The following TRIM31 variants were observed in gnomAD, a reference collection of about 807,000 sequenced individuals.
TRIM31 encodes the protein tripartite motif containing 31.
A neutral mutation model predicts 40.6 loss-of-function variants in TRIM31; 31 were observed. That is an observed-to-expected ratio of 0.76 (90% CI 0.57 to 1.03). TRIM31 has a LOEUF of 1.03. Among genes scored for constraint, TRIM31 ranks in the 50% least tolerant of loss-of-function variants. The probability of loss-of-function intolerance (pLI) is 0.00; values close to 1 mark genes in which losing one functional copy is unlikely to be tolerated. For synonymous variants in TRIM31, 164 were observed against 193.9 expected (o/e 0.85, Z 1.28); for missense variants, 455 against 497.5 (o/e 0.91, Z 0.81).
chr6:30,104,217 C>A, intron 7 of TRIM31, 50 bp from the exon 8 acceptor site: 1 of 1,591,528 alleles, frequency 6.3e-7, no homozygotes, highest in Admixed American at 1.7e-5. Flanking sequence ...CCAGAAGCTG[C>A]AAATTAAAAA....
Position 30,103,116 on chromosome 6 carries a change from A to G in TRIM31, c.*420T>C. 4.6e-6 allele frequency: 1 copy of G among 215,574 alleles called. No homozygotes were observed. The highest frequency in any genetic ancestry group is 9.4e-6 in the Non-Finnish European group (1 of 106,752). The allele number at this position is 215,574 out of a possible 1,614,324, so 13.4% of individuals were successfully genotyped here. A position where few individuals can be genotyped will look rare whatever the true frequency, so the allele number is the denominator to read the frequency against. ...AGGAAGAGCGAGAGTGGTCGGGCTC[A>G]TGGGGTTTGATGGACTGTGACCCAG... is the stretch of plus-strand genomic sequence containing the variant. On this transcript the variant is annotated 3_prime_UTR_variant, in exon 9 of 9. Coordinates refer to ENST00000376734, the MANE Select transcript of TRIM31 (RefSeq NM_007028.5).
intron 2 of TRIM31, 123 bp downstream of exon 2, chr6:30,112,266 C>G (rs1225277080): frequency 8.7e-7 from 1 of 1,149,424 alleles, no homozygotes; most frequent in African/African-American, 1.6e-5. Context: ...TGCGAGCTGC[C>G]CACTCAAGCC....
chr6:30,105,323 A>C, intron 6 of TRIM31, 81 bp from the exon 7 acceptor site: 1 of 1,055,342 alleles, frequency 9.5e-7, no homozygotes, highest in Non-Finnish European at 1.4e-6. Context: ...GCAAGGCACT[A>C]ATTTGAAATG....
intron 6 of TRIM31, among the ~76,000 whole-genome samples, chr6:30,106,740 A>G (rs1161174402): frequency 6.6e-6 from 1 of 152,158 alleles, no homozygotes; most frequent in Non-Finnish European, 1.5e-5. Context: ...TGAAGTGGAA[A>G]GGGCTGGGCT....
chr6:30,108,285 G>A, intron 5 of TRIM31, 117 bp from the exon 6 acceptor site: 1 of 741,024 alleles, frequency 1.3e-6, no homozygotes, highest in Non-Finnish European at 2.4e-6. Context: ...AGAACTGAGA[G>A]CAGTGGCTCA....
Position 30,110,304 on chromosome 6 carries a change from G to A in TRIM31, c.744+144C>T, listed in dbSNP as rs139796351. The A allele has an allele frequency of 7.7e-3, 5,021 of 655,804 alleles. 64 individuals carry two copies. The highest frequency in any genetic ancestry group is 0.028 in the Middle Eastern group (66 of 2,322). The allele number at this position is 655,804 out of a possible 1,614,324, so 40.6% of individuals were successfully genotyped here. Reference sequence around the variant, plus strand: ...CTCACATTTTCATTCTAATACATGCGGCTCACATATTGCTATTGGACAGCA... The same window carrying A: ...CTCACATTTTCATTCTAATACATGCAGCTCACATATTGCTATTGGACAGCA... On this transcript the variant is annotated intron_variant, in intron 4 of 8. Coordinates refer to ENST00000376734, the MANE Select transcript of TRIM31 (RefSeq NM_007028.5).
chr6:30,110,411 T>C, intron 4 of TRIM31, 37 bp downstream of exon 4: 1 of 1,602,010 alleles, frequency 6.2e-7, no homozygotes, highest in Non-Finnish European at 8.5e-7. Context: ...AGGGATGGGC[T>C]GCTACCTCTC....
chr6:30,104,879 G>A (rs1180445727), intron 7 of TRIM31, among the ~76,000 whole-genome samples: 1 of 151,964 alleles, frequency 6.6e-6, no homozygotes, highest in East Asian at 1.9e-4. Context: ...TACTACAGAG[G>A]TGGAGCTGCC....
rs1418687674 is a variant in TRIM31 at position 30,103,402 on chromosome 6, C to G, written c.*134G>C. 7.6e-7 allele frequency: 1 copy of G among 1,322,140 alleles called. No individual in the cohort carries two copies. The highest frequency in any genetic ancestry group is 1.5e-5 in the African/African-American group (1 of 68,042). 81.9% of individuals were successfully genotyped at this position (1,322,140 alleles called of 1,614,324 possible). ...CCATCTCCACTCTCAGTAGCCCGAG[C>G]CCTCCCATTCTCCACTCCTTCGACC... On this transcript the variant is annotated 3_prime_UTR_variant, in exon 9 of 9. Transcript: ENST00000376734.
In TRIM31 at chr6:30,103,594, G is replaced by A. The variant is rs1768397031; in HGVS notation, c.1220C>T (p.Ala407Val). Residue 407 changes from alanine (A) to valine (V), a missense_variant, in exon 9 of 9, where the codon GCA (alanine) becomes GTA (valine). Transcript: ENST00000376734. ...DVALSEELHA[A>V]LSEWLTAIRA... ...GATCGCTGTCAGCCACTCACTCAGT[G>A]CCGCATGGAGCTCCTCGGACAGCGC... 1.2e-6 allele frequency: 2 copies of A among 1,613,094 alleles called. No individual in the cohort carries two copies. The highest frequency in any genetic ancestry group is 1.7e-6 in the Non-Finnish European group (2 of 1,180,036).
At position 30,108,046 on chromosome 6, in the gene TRIM31, T is replaced by G; in HGVS notation, c.883+7A>C. On this transcript the variant is annotated splice_region_variant and intron_variant, in intron 6 of 8. Coordinates refer to ENST00000376734, the MANE Select transcript of TRIM31 (RefSeq NM_007028.5). ...GGTGAATAGAGAAAATACAGCCTCT[T>G]CCTTACCTTTGAATTTTTTTAGGCT... 6.4e-7 allele frequency: 1 copy of G among 1,559,844 alleles called. No individual in the cohort carries two copies. Among genetic ancestry groups the G allele is most frequent in the South Asian group, 1.1e-5 (1 of 89,514 alleles).
chr6:30,110,427 T>C (rs1769175307), intron 4 of TRIM31, 21 bp downstream of exon 4: 1 of 1,611,944 alleles, frequency 6.2e-7, no homozygotes, highest in Non-Finnish European at 8.5e-7. Context: ...CTCTCTGCAA[T>C]TCTGCCCCCA....
At chr6:30,103,840 G>T in intron 8 of TRIM31, 51 bp from the exon 9 acceptor site, 1 of 1,608,478 alleles carries the variant, frequency 6.2e-7, no homozygotes, top group Non-Finnish European at 8.5e-7. Flanking sequence ...CACCTCGGCA[G>T]CAATCCTCCA....
Position 30,103,567 on chromosome 6 carries a change from C to A in TRIM31, c.1247G>T (p.Arg416Leu). ...TGAAGGAACCTCACAAAACCAAGCC[C>A]GGATCGCTGTCAGCCACTCACTCAG... is the stretch of plus-strand genomic sequence containing the variant. The part of the protein sequence containing the change: ...AALSEWLTAI[R>L]AWFCEVPSS The change falls in exon 9 of 9, where the codon CGG becomes CTG. Residue 416 changes from arginine to leucine, a missense_variant. Coordinates refer to ENST00000376734, the MANE Select transcript of TRIM31 (RefSeq NM_007028.5). 6.2e-7 allele frequency: 1 copy of A among 1,612,706 alleles called. No homozygotes were observed. The highest frequency in any genetic ancestry group is 1.1e-5 in the South Asian group (1 of 91,078).
intron 4 of TRIM31, among the ~76,000 whole-genome samples, chr6:30,109,517 A>G (rs1769082467): frequency 6.6e-6 from 1 of 152,204 alleles, no homozygotes; most frequent in African/African-American, 2.4e-5. Context: ...TGGCTACTGA[A>G]CATTGGAAAT....
intron 7 of TRIM31, among the ~76,000 whole-genome samples, chr6:30,104,788 G>C (rs1345242793): frequency 1.3e-5 from 2 of 152,118 alleles, no homozygotes; most frequent in Non-Finnish European, 2.9e-5. Flanking sequence ...TTATTACAGT[G>C]GGTCTCCATC....
intron 6 of TRIM31, 181 bp downstream of exon 6, chr6:30,107,872 A>T: frequency 1.7e-6 from 1 of 592,944 alleles, no homozygotes; most frequent in Non-Finnish European, 3.0e-6. Context: ...ACAAAGACAG[A>T]ATATAAGAAA....
chr6:30,110,027 TA>T (rs9280894), intron 4 of TRIM31, among the ~76,000 whole-genome samples: 30,402 of 117,722 alleles, frequency 0.26, 3,204 homozygotes, highest in Middle Eastern at 0.36. Flanking sequence ...AGACTCAGTG[TA>T]AAAAAAAAAA....
intron 6 of TRIM31, 154 bp downstream of exon 6, chr6:30,107,899 T>G: frequency 3.2e-6 from 2 of 616,002 alleles, no homozygotes; most frequent in Non-Finnish European, 2.9e-6. Context: ...GGAGGAGGCA[T>G]ACTGATGCGT....
Sources: allele counts gnomAD v4.1 joint callset (sites outside exome capture counted in the v4.1 genomes callset), GRCh38; gene constraint gnomAD v4.1.1; transcripts MANE v1.5; gene names NCBI Gene and HGNC (gene_info 2026-07-23, HGNC 2026-07-21).